The following LPXN variants were observed in gnomAD, a reference collection of about 807,000 sequenced individuals.
LPXN encodes the protein leupaxin.
In LPXN, 28 loss-of-function variants were observed where a neutral mutation model predicts 45.6. The ratio of observed to expected loss-of-function variants is 0.61; its 90% CI spans 0.45 to 0.84. The LOEUF (loss-of-function observed/expected upper bound fraction) is 0.84, where lower values mean the gene tolerates loss of function less well. Among genes scored for constraint, LPXN ranks in the 40% least tolerant of loss-of-function variants. LPXN has a pLI of 0.00. For synonymous variants in LPXN, 166 were observed against 169.9 expected (o/e 0.98, Z 0.18); for missense variants, 459 against 475.0 (o/e 0.97, Z 0.31).
intron 3 of LPXN, among the ~76,000 whole-genome samples, chr11:58,558,274 C>T (rs916897616): frequency 6.6e-6 from 1 of 151,560 alleles, no homozygotes; most frequent in East Asian, 1.9e-4. Flanking sequence ...TGGGTGCGAT[C>T]GTTCATACCT....
chr11:58,541,399 C>T (rs1853717953), intron 7 of LPXN, among the ~76,000 whole-genome samples: 1 of 152,174 alleles, frequency 6.6e-6, no homozygotes. Context: ...AGACACTTCT[C>T]AAAAGAAGAC....
chr11:58,554,126 A>C (rs1371444492), intron 4 of LPXN: 1 of 152,352 alleles, frequency 6.6e-6, no homozygotes, highest in Non-Finnish European at 1.5e-5. Flanking sequence ...CCTGGCCAAG[A>C]TGGTGAAACT....
At chr11:58,571,342 AAAATAAATAAAT>A (rs59215664) in intron 1 of LPXN, among the ~76,000 whole-genome samples, 266 of 147,092 alleles carry the variant, frequency 1.8e-3, no homozygotes, top group Non-Finnish European at 2.9e-3. Flanking sequence ...CCTGTCTCAA[AAAATAAATAAAT>A]AAATAAATAA....
At chr11:58,548,454 A>T (rs79755898) in intron 7 of LPXN, among the ~76,000 whole-genome samples, 4 of 152,088 alleles carry the variant, frequency 2.6e-5, no homozygotes, top group Non-Finnish European at 5.9e-5. Context: ...CAGAAAAAAA[A>T]AAAAGAAAAG....
chr11:58,546,386 G>A (rs1345478013), intron 7 of LPXN, among the ~76,000 whole-genome samples: 1 of 152,126 alleles, frequency 6.6e-6, no homozygotes, highest in African/African-American at 2.4e-5. Context: ...TGTAAATATT[G>A]AACAAGAGAG....
At chr11:58,538,783 CA>C (rs145776099) in intron 7 of LPXN, among the ~76,000 whole-genome samples, 11,310 of 151,630 alleles carry the variant, frequency 0.075, 911 homozygotes, top group African/African-American at 0.2. Context: ...TATATATACA[CA>C]ATAAAAATAA....
chr11:58,565,302 G>T (rs1254028207), intron 2 of LPXN, among the ~76,000 whole-genome samples: 1 of 152,114 alleles, frequency 6.6e-6, no homozygotes, highest in Non-Finnish European at 1.5e-5. Context: ...GGGTGGCTGA[G>T]GCAGGCGGAT....
chr11:58,558,472 G>A (rs1854275887), intron 3 of LPXN, among the ~76,000 whole-genome samples: 2 of 143,978 alleles, frequency 1.4e-5, no homozygotes, highest in South Asian at 4.4e-4. Flanking sequence ...AGGAGGCCAA[G>A]GCTGCAGTGA....
At chr11:58,578,295 A>G (rs894408786), upstream of LPXN, 68 of 390,764 alleles carry the variant, frequency 1.7e-4, no homozygotes, top group Admixed American at 1.1e-3. Context: ...CGGAAAGTAA[A>G]CTACCTTTCC....
chr11:58,537,986 C>T (rs574252181), intron 7 of LPXN, among the ~76,000 whole-genome samples: 19 of 144,354 alleles, frequency 1.3e-4, no homozygotes, highest in African/African-American at 4.4e-4. Context: ...TGTGTTCTCA[C>T]TGTTCAATTC....
intron 2 of LPXN, among the ~76,000 whole-genome samples, chr11:58,565,737 C>T (rs1424124072): frequency 1.3e-5 from 2 of 151,980 alleles, no homozygotes; most frequent in African/African-American, 4.8e-5. Flanking sequence ...CATCCCAGCA[C>T]TTTGGGAGGC....
At chr11:58,554,274 C>T (rs1362709830) in intron 4 of LPXN, 2 of 154,138 alleles carry the variant, frequency 1.3e-5, no homozygotes, top group East Asian at 1.9e-4. Flanking sequence ...GATAGCGCTA[C>T]TACACTCTAG....
At position 58,551,193 on chromosome 11, in the gene LPXN, CTGGT is replaced by C. The variant is rs1854040913; in HGVS notation, c.354_357del (p.Pro119ThrfsTer44). Reference sequence around the variant, plus strand: ...AGGGAGGCCTTGTGATCCTGCTTGTCTGGTAAGTGCTTCTTGCCAGCATCTGCTC... The same window carrying C: ...AGGGAGGCCTTGTGATCCTGCTTGTCAAGTGCTTCTTGCCAGCATCTGCTC... On this transcript the variant is annotated frameshift_variant, in exon 5 of 9. Transcript: ENST00000395074. LOFTEE classifies it high-confidence loss of function. 2.5e-6 allele frequency: 4 copies of C among 1,611,196 alleles called. No individual in the cohort carries two copies. Among genetic ancestry groups the C allele is most frequent in the Non-Finnish European group, 3.4e-6 (4 of 1,178,824 alleles).
At chr11:58,563,779 C>T (rs1854449143) in intron 3 of LPXN, among the ~76,000 whole-genome samples, 1 of 152,232 alleles carries the variant, frequency 6.6e-6, no homozygotes, top group Admixed American at 6.5e-5. Flanking sequence ...AACCCTCATC[C>T]TAGCTCTGAC....
intron 4 of LPXN, among the ~76,000 whole-genome samples, chr11:58,553,181 C>G (rs902488900): frequency 1.3e-5 from 2 of 151,766 alleles, no homozygotes; most frequent in Non-Finnish European, 2.9e-5. Context: ...ACTAAAAATA[C>G]AAAAATTAGC....
chr11:58,527,845 G>A (rs925304225), intron 8 of LPXN, 122 bp from the exon 9 acceptor site: 15 of 1,167,148 alleles, frequency 1.3e-5, no homozygotes, highest in Non-Finnish European at 1.7e-5. Context: ...ATTTCCCTCA[G>A]GTTCTTGACA....
chr11:58,575,975 AAATGTG>A (rs1854878164), upstream of LPXN: 102 of 1,396,900 alleles, frequency 7.3e-5, 1 homozygote, highest in East Asian at 2.6e-3. Flanking sequence ...ACAGTTTTAA[AAATGTG>A]ACTGACATAG....
At chr11:58,557,505 T>C (rs1333266453) in intron 3 of LPXN, among the ~76,000 whole-genome samples, 1 of 152,156 alleles carries the variant, frequency 6.6e-6, no homozygotes, top group African/African-American at 2.4e-5. Flanking sequence ...TTTTGTCATT[T>C]AAAAAGGTCA....
chr11:58,559,874 T>A (rs574214754), intron 3 of LPXN, among the ~76,000 whole-genome samples: 3 of 152,126 alleles, frequency 2.0e-5, no homozygotes, highest in South Asian at 4.1e-4. Context: ...AGACCCTATC[T>A]CAAATTTAAA....
Sources: gnomAD v4.1 joint callset for allele counts (sites outside exome capture counted in the v4.1 genomes callset) on GRCh38, gnomAD v4.1.1 for gene constraint, MANE v1.5 for transcripts, NCBI Gene and HGNC (gene_info 2026-07-23, HGNC 2026-07-21) for gene names.